The following RNF17 variants were observed in gnomAD, a reference collection of about 807,000 sequenced individuals.
The protein encoded by RNF17 is ring finger protein 17.
RNF17 carries 31 observed loss-of-function variants against 200.5 expected under a neutral mutation model. The observed-to-expected ratio is 0.15, with a 90% CI of 0.12 to 0.21. The LOEUF (loss-of-function observed/expected upper bound fraction) is 0.21. Among genes scored for constraint, RNF17 ranks in the 10% least tolerant of loss-of-function variants. RNF17 has a pLI of 1.00. For synonymous variants in RNF17, 606 were observed against 637.8 expected (o/e 0.95, Z 0.75); for missense variants, 1,628 against 1,905.1 (o/e 0.85, Z 2.71).
chr13:24,853,446 C>T (rs1022313718), intron 24 of RNF17, among the ~76,000 whole-genome samples: 1 of 151,500 alleles, frequency 6.6e-6, no homozygotes, highest in Non-Finnish European at 1.5e-5. Flanking sequence ...ACGGATAGTA[C>T]CTTATTGTTT....
the RNF17 span, among the ~76,000 whole-genome samples, chr13:24,750,496 TTGATCTACTTTC>T: frequency 6.6e-6 from 1 of 152,210 alleles, no homozygotes; most frequent in African/African-American, 2.4e-5. Flanking sequence ...TATGCAAACA[TTGATCTACTTTC>T]TGTCTCTATA....
intron 6 of RNF17, among the ~76,000 whole-genome samples, chr13:24,782,694 A>G (rs1882581119): frequency 6.6e-6 from 1 of 152,054 alleles, no homozygotes; most frequent in Non-Finnish European, 1.5e-5. Flanking sequence ...AAAATCAACC[A>G]GGCATTGTGT....
intron 1 of RNF17, among the ~76,000 whole-genome samples, chr13:24,765,111 G>A (rs1443357100): frequency 6.6e-6 from 1 of 152,108 alleles, no homozygotes; most frequent in Admixed American, 6.5e-5. Flanking sequence ...CGCCTCCCAG[G>A]TTCACGCCAT....
At chr13:24,816,815 A>G (rs1217538788) in intron 15 of RNF17, among the ~76,000 whole-genome samples, 1 of 152,208 alleles carries the variant, frequency 6.6e-6, no homozygotes, top group Non-Finnish European at 1.5e-5. Context: ...GTTTCCTGTG[A>G]GACATACACT....
chr13:24,884,229 G>A (rs1318374354), downstream of RNF17: 1 of 1,614,160 alleles, frequency 6.2e-7, no homozygotes, highest in Non-Finnish European at 8.5e-7. Context: ...GGTCTGGGCA[G>A]CTGCATAGTA....
Position 24,879,738 on chromosome 13 carries a change from T to A in RNF17, c.*12T>A, listed in dbSNP as rs1173157558. On this transcript the variant is annotated splice_region_variant and 3_prime_UTR_variant, in exon 36 of 36. Coordinates refer to ENST00000255324, the MANE Select transcript of RNF17 (RefSeq NM_031277.3). Reference sequence around the variant, plus strand: ...AAAATAACACATTTTATTTTTCAGGTATACAGTGAGAGCATCTATAGAAGC... The same window carrying A: ...AAAATAACACATTTTATTTTTCAGGAATACAGTGAGAGCATCTATAGAAGC... 1.3e-5 allele frequency: 2 copies of A among 154,500 alleles called. No individual in the cohort carries two copies. The highest frequency in any genetic ancestry group is 4.8e-5 in the African/African-American group (2 of 41,472). The allele number at this position is 154,500 out of a possible 1,614,324, so 9.6% of individuals were successfully genotyped here.
chr13:24,877,757 A>G (rs747481940), intron 34 of RNF17, among the ~76,000 whole-genome samples: 3 of 152,212 alleles, frequency 2.0e-5, no homozygotes, highest in Non-Finnish European at 4.4e-5. Context: ...TGCTAATTGT[A>G]CTAATCTCAT....
intron 25 of RNF17, among the ~76,000 whole-genome samples, chr13:24,855,250 C>CA (rs554201192): frequency 1.3e-5 from 2 of 151,966 alleles, no homozygotes; most frequent in Admixed American, 6.6e-5. Context: ...TCTGTGATTA[C>CA]AAAAAATCCT....
chr13:24,858,894 T>G, intron 25 of RNF17, 107 bp from the exon 26 acceptor site: 2 of 673,572 alleles, frequency 3.0e-6, no homozygotes, highest in Non-Finnish European at 4.9e-6. Context: ...AAAAGTTCTG[T>G]TTGGGGGACT....
At chr13:24,877,272 A>G in intron 34 of RNF17, 86 bp downstream of exon 34, 1 of 1,051,898 alleles carries the variant, frequency 9.5e-7, no homozygotes, top group African/African-American at 1.6e-5. Flanking sequence ...CAGCGTCTAC[A>G]TGCGAGAGTA....
the RNF17 span, among the ~76,000 whole-genome samples, chr13:24,749,307 C>CTTTTTTTTTTTTTTTTTTTTTTTTTTT: frequency 4.6e-5 from 5 of 108,032 alleles, 1 homozygote; most frequent in Non-Finnish European, 8.8e-5. Flanking sequence ...TTCTTTCTTT[C>CTTTTTTTTTTTTTTTTTTTTTTTTTTT]TTTTTTTTTT....
At position 24,845,050 on chromosome 13, in the gene RNF17, C is replaced by T; in HGVS notation, c.3072C>T (p.Leu1024=). The part of the protein sequence containing the change: ...LEENLKTMGR[L]SLECSLVDIR... ...AAAATCTAAAGACAATGGGAAGACT[C>T]TCTTTGGAATGTTCTCTGGTTGACA... Residue 1024 remains leucine, a synonymous_variant, in exon 22 of 36, where the codon CTC becomes CTT. Transcript: ENST00000255324. 6.4e-7 allele frequency: 1 copy of T among 1,569,974 alleles called. No individual in the cohort carries two copies. Among genetic ancestry groups the T allele is most frequent in the South Asian group, 1.1e-5 (1 of 89,924 alleles).
chr13:24,793,250 G>A lies in RNF17; in HGVS notation c.1144G>A (p.Val382Ile), dbSNP rs61748302. ...EAKNFQPQKD[V>I]ATASPKTIAV... Reference sequence around the variant, plus strand: ...AAAAAACTTCCAGCCACAGAAAGACGTTGCAACAGCATCCCCTAAAACCAT... The same window carrying A: ...AAAAAACTTCCAGCCACAGAAAGACATTGCAACAGCATCCCCTAAAACCAT... Residue 382 changes from valine (V) to isoleucine (I), a missense_variant, in exon 10 of 36, where the codon GTT becomes ATT. Transcript: ENST00000255324. The A allele has an allele frequency of 1.9e-3, 3,097 of 1,614,028 alleles. 50 individuals are homozygous for A. In the African/African-American group the frequency reaches 0.037, roughly 19 times the overall value.
Position 24,805,863 on chromosome 13 carries a change from GT to G in RNF17, c.2091+1444del, listed in dbSNP as rs1245602439. ...TTCTCCACACCCTCATGAACACTTG[GT>G]TTTTTTTTTCTTTTTTAAATAACAT... On this transcript the variant is annotated intron_variant, in intron 15 of 35. Transcript: ENST00000255324. Among the ~76,000 whole-genome samples, 380 of 148,470 alleles carry G rather than the reference GT, an allele frequency of 2.6e-3. 1 individual carries two copies. Among genetic ancestry groups the G allele is most frequent in the African/African-American group, 8.8e-3 (356 of 40,634 alleles).
At chr13:24,861,022 C>T (rs1208813795) in intron 26 of RNF17, among the ~76,000 whole-genome samples, 4 of 151,998 alleles carry the variant, frequency 2.6e-5, no homozygotes, top group Non-Finnish European at 5.9e-5. Flanking sequence ...GGACTACAGG[C>T]GCATACCACC....
Position 24,779,681 on chromosome 13 carries a change from A to T in RNF17, c.444A>T (p.Ala148=), listed in dbSNP as rs765155053. 28 of 1,612,754 alleles carry T rather than the reference A, an allele frequency of 1.7e-5. No homozygotes were observed. The highest frequency in any genetic ancestry group is 2.2e-5 in the Non-Finnish European group (26 of 1,179,104). ...TCCCTTCTTAGGACACTAATACTGCAGAAGAAATTGATGAAGCATTGAATA... is the reference window on the plus strand; with the variant it reads ...TCCCTTCTTAGGACACTAATACTGCTGAAGAAATTGATGAAGCATTGAATA... The part of the protein sequence containing the change: ...SSAVMLDTNT[A]EEIDEALNTA... The change falls in exon 5 of 36, where the codon GCA becomes GCT. Residue 148 remains alanine, a synonymous_variant. Transcript: ENST00000255324.
intron 15 of RNF17, among the ~76,000 whole-genome samples, chr13:24,805,630 T>C (rs1184908457): frequency 6.6e-6 from 1 of 152,234 alleles, no homozygotes; most frequent in Non-Finnish European, 1.5e-5. Flanking sequence ...TTCCACCTTT[T>C]GGCCTATGTG....
intron 16 of RNF17, among the ~76,000 whole-genome samples, chr13:24,826,553 C>A (rs148070691): frequency 6.6e-6 from 1 of 152,036 alleles, no homozygotes; most frequent in South Asian, 2.1e-4. Flanking sequence ...GTGGGTGGAT[C>A]GCTTGAGGCC....
downstream of RNF17, chr13:24,883,839 T>A (rs1953933470): frequency 1.9e-6 from 2 of 1,054,444 alleles, no homozygotes; most frequent in African/African-American, 3.1e-5. Context: ...GGACATTCAT[T>A]CAAACTGAAC....
Sources: allele counts gnomAD v4.1 joint callset (sites outside exome capture counted in the v4.1 genomes callset), GRCh38; gene constraint gnomAD v4.1.1; transcripts MANE v1.5; gene names NCBI Gene and HGNC (gene_info 2026-07-23, HGNC 2026-07-21).